The following AAGAB variants were observed in gnomAD, a reference collection of about 807,000 sequenced individuals.
AAGAB encodes the protein alpha- and gamma-adaptin-binding protein p34.
A neutral mutation model predicts 44.1 loss-of-function variants in AAGAB; 38 were observed. The observed-to-expected ratio is 0.86, with a 90% confidence interval of 0.67 to 1.13. The LOEUF (loss-of-function observed/expected upper bound fraction) is 1.13. Among genes scored for constraint, AAGAB ranks in the 50% most tolerant of loss-of-function variants. The probability of loss-of-function intolerance (pLI) is 0.00; values close to 1 mark genes in which losing one functional copy is unlikely to be tolerated. For synonymous variants in AAGAB, 131 were observed against 131.8 expected, an observed-to-expected ratio of 0.99 and a Z score of 0.04; for missense variants, 450 against 373.8, an observed-to-expected ratio of 1.20 and a Z score of -1.68.
intron 1 of AAGAB, among the ~76,000 whole-genome samples, chr15:67,239,838 C>A (rs977927615): frequency 1.3e-5 from 2 of 152,138 alleles, no homozygotes; most frequent in South Asian, 2.1e-4. Flanking sequence ...CAAGTTTATT[C>A]TTTTCCAAAT....
intron 4 of AAGAB, 40 bp from the exon 5 acceptor site, chr15:67,231,937 C>T: frequency 6.6e-7 from 1 of 1,513,118 alleles, no homozygotes; most frequent in South Asian, 1.1e-5. Flanking sequence ...ATATGCAACA[C>T]TCACACAGAT....
At chr15:67,253,217 G>A (rs1488814785) in intron 1 of AAGAB, among the ~76,000 whole-genome samples, 5 of 150,312 alleles carry the variant, frequency 3.3e-5, no homozygotes, top group African/African-American at 9.9e-5. Context: ...TTGAGCCCGG[G>A]AGTTCCAGAC....
At chr15:67,218,912 C>T (rs555570074) in intron 5 of AAGAB, among the ~76,000 whole-genome samples, 45 of 152,276 alleles carry the variant, frequency 3.0e-4, no homozygotes, top group South Asian at 6.2e-4. Flanking sequence ...TAAGAAAAGA[C>T]GGTATAGACA....
At chr15:67,247,579 T>G (rs6494640) in intron 1 of AAGAB, among the ~76,000 whole-genome samples, 104,593 of 151,972 alleles carry the variant, frequency 0.69, 36,374 homozygotes, top group Middle Eastern at 0.84. Context: ...GTGTAATACT[T>G]TTCCACTGGT....
Position 67,236,671 on chromosome 15 carries a change from C to G in AAGAB, c.223G>C (p.Glu75Gln). The G allele has an allele frequency of 6.2e-7, 1 of 1,614,074 alleles. No individual in the cohort carries two copies. ...NKFLVTAEIA[E>Q]SVQAFVVYFD... The stretch of plus-strand genomic sequence containing the variant: ...TAAACCACAAATGCTTGGACAGATT[C>G]TGCAATCTCTGCAGTAACAAGAAAT... The change falls in exon 2 of 10, where the codon GAA becomes CAA. Residue 75 changes from glutamate (E) to glutamine (Q), a missense_variant. By Grantham distance (29) the Glu-to-Gln change is conservative (BLOSUM62 2). Coordinates refer to ENST00000261880, the MANE Select transcript of AAGAB (RefSeq NM_024666.5).
At chr15:67,243,157 G>A (rs1415067548) in intron 1 of AAGAB, among the ~76,000 whole-genome samples, 1 of 152,180 alleles carries the variant, frequency 6.6e-6, no homozygotes, top group Admixed American at 6.5e-5. Flanking sequence ...CAGTGGGCAG[G>A]GGGGTTGTGG....
At chr15:67,254,268 T>C (rs1196864582) in intron 1 of AAGAB, 1 of 555,830 alleles carries the variant, frequency 1.8e-6, no homozygotes, top group Non-Finnish European at 2.7e-6. Flanking sequence ...AGCCTTCAGG[T>C]TCATCTCAAC....
intron 7 of AAGAB, among the ~76,000 whole-genome samples, chr15:67,208,091 C>T (rs933804622): frequency 2.6e-5 from 4 of 152,186 alleles, no homozygotes; most frequent in Admixed American, 1.3e-4. Context: ...AGCTCCAGGC[C>T]CTTCTTGCTA....
In AAGAB at chr15:67,204,036, CTG is replaced by C; in HGVS notation, c.820+6_820+7del. On this transcript the variant is annotated splice_donor_region_variant and intron_variant, in intron 8 of 9. Transcript: ENST00000261880. The stretch of plus-strand genomic sequence containing the variant: ...TGGGAACATATTAGACACAATGGAT[CTG>C]ATTACCTTTCATTTCCTTTAACTTT... The C allele has an allele frequency of 6.5e-7, 1 of 1,529,914 alleles. No homozygotes were observed. The highest frequency in any genetic ancestry group is 1.1e-5 in the South Asian group (1 of 88,754). The allele number at this position is 1,529,914 out of a possible 1,614,324, so 94.8% of individuals were successfully genotyped here. A position where few individuals can be genotyped will look rare whatever the true frequency, so the allele number is the denominator to read the frequency against.
chr15:67,206,149 C>T (rs1306833553), intron 7 of AAGAB, among the ~76,000 whole-genome samples: 3 of 152,200 alleles, frequency 2.0e-5, no homozygotes, highest in East Asian at 1.9e-4. Flanking sequence ...CAGTCTTTCA[C>T]GACTTTAACA....
chr15:67,219,898 A>G (rs1304274196), intron 5 of AAGAB, among the ~76,000 whole-genome samples: 1 of 152,210 alleles, frequency 6.6e-6, no homozygotes, highest in African/African-American at 2.4e-5. Flanking sequence ...ATTTGCCTAT[A>G]CTATAGTTAT....
intron 1 of AAGAB, among the ~76,000 whole-genome samples, chr15:67,237,096 T>C (rs996034546): frequency 6.6e-6 from 1 of 152,280 alleles, no homozygotes; most frequent in Admixed American, 6.5e-5. Context: ...AAAACAGTCA[T>C]ATAACCAAAT....
At position 67,204,107 on chromosome 15, in the gene AAGAB, T is replaced by C. The variant is rs376820468; in HGVS notation, c.757A>G (p.Thr253Ala). 2.5e-6 allele frequency: 4 copies of C among 1,612,346 alleles called. No homozygotes were observed. The highest frequency in any genetic ancestry group is 1.7e-4 in the Middle Eastern group (1 of 6,058). The change falls in exon 8 of 10, where the codon ACC becomes GCC. Residue 253 changes from threonine (T) to alanine (A), a missense_variant. Transcript: ENST00000261880. ...DLDIQELASL[T>A]TGGGDVENFE... Reference sequence around the variant, plus strand: ...TTCTCCACATCTCCTCCTCCAGTGGTAAGACTGGCTAATTCTTGAATATCC... The same window carrying C: ...TTCTCCACATCTCCTCCTCCAGTGGCAAGACTGGCTAATTCTTGAATATCC...
chr15:67,236,356 T>C, intron 3 of AAGAB, 52 bp downstream of exon 3: 1 of 1,513,464 alleles, frequency 6.6e-7, no homozygotes, highest in Non-Finnish European at 9.2e-7. Flanking sequence ...ACTCTGTTTA[T>C]CAAGGAATGG....
At chr15:67,216,535 T>G (rs77624726) in intron 5 of AAGAB, among the ~76,000 whole-genome samples, 2 of 143,414 alleles carry the variant, frequency 1.4e-5, no homozygotes, top group African/African-American at 5.2e-5. Flanking sequence ...CTAGTTGTTG[T>G]TTTTTTTTTT....
At chr15:67,223,897 G>A (rs1351181117) in intron 5 of AAGAB, among the ~76,000 whole-genome samples, 2 of 152,184 alleles carry the variant, frequency 1.3e-5, no homozygotes, top group Non-Finnish European at 2.9e-5. Context: ...TGCTATAGCT[G>A]TTCCCTGTCC....
At chr15:67,222,240 G>GCACACACACACACA (rs1156310462) in intron 5 of AAGAB, among the ~76,000 whole-genome samples, 14 of 88,192 alleles carry the variant, frequency 1.6e-4, no homozygotes, top group East Asian at 3.8e-4. Context: ...ACGCGCGCGC[G>GCACACACACACACA]CGCACACACA....
chr15:67,251,230 G>C (rs1471322167), intron 1 of AAGAB, among the ~76,000 whole-genome samples: 1 of 128,996 alleles, frequency 7.8e-6, no homozygotes, highest in African/African-American at 2.6e-5. Context: ...GTGTGTGTGT[G>C]TGTGTCTGTG....
At chr15:67,206,999 C>T (rs923486826) in intron 7 of AAGAB, among the ~76,000 whole-genome samples, 13 of 152,206 alleles carry the variant, frequency 8.5e-5, no homozygotes, top group Admixed American at 2.6e-4. Context: ...CTGACCAACA[C>T]GCAGAAACCC....
Sources: allele counts gnomAD v4.1 joint callset (sites outside exome capture counted in the v4.1 genomes callset), GRCh38; gene constraint gnomAD v4.1.1; transcripts MANE v1.5; gene names NCBI Gene and HGNC (gene_info 2026-07-23, HGNC 2026-07-21).